CFAP54: variants seen among roughly 807,000 people sequenced by gnomAD.
The protein encoded by CFAP54 is cilia- and flagella-associated protein 54.
CFAP54 carries 290 observed loss-of-function variants against 370.4 expected under a neutral mutation model. The ratio of observed to expected loss-of-function variants is 0.78; its 90% CI spans 0.71 to 0.86. CFAP54 has a LOEUF of 0.86. Among genes scored for constraint, CFAP54 ranks in the 40% least tolerant of loss-of-function variants. The pLI is 0.00. For missense variants in CFAP54, 3,399 were observed against 3,528.7 expected, an observed-to-expected ratio of 0.96 and a Z score of 0.93; for synonymous variants, 1,206 against 1,236.5, an observed-to-expected ratio of 0.98 and a Z score of 0.52.
At chr12:96,526,030 G>A (rs901775709) in intron 8 of CFAP54, among the ~76,000 whole-genome samples, 2 of 152,188 alleles carry the variant, frequency 1.3e-5, no homozygotes, top group Non-Finnish European at 2.9e-5. Flanking sequence ...GATTGAAAAG[G>A]TACACAAGCT....
intron 9 of CFAP54, among the ~76,000 whole-genome samples, chr12:96,528,409 G>C (rs1955406122): frequency 6.6e-6 from 1 of 151,990 alleles, no homozygotes; most frequent in African/African-American, 2.4e-5. Flanking sequence ...TTTCTTTCTT[G>C]TAATGTTATT....
chr12:96,683,296 T>G (rs905860532), intron 40 of CFAP54, among the ~76,000 whole-genome samples: 6 of 152,204 alleles, frequency 3.9e-5, no homozygotes, highest in African/African-American at 1.4e-4. Flanking sequence ...ATGTGACAGT[T>G]ACACATGCAG....
At chr12:96,789,493 G>A (rs1321585995) in intron 62 of CFAP54, among the ~76,000 whole-genome samples, 2 of 152,208 alleles carry the variant, frequency 1.3e-5, no homozygotes, top group African/African-American at 4.8e-5. Context: ...GGGGGCAGAG[G>A]ACGGGAAGAC....
chr12:96,684,808 A>G, intron 41 of CFAP54, 73 bp downstream of exon 41: 1 of 1,294,974 alleles, frequency 7.7e-7, no homozygotes, highest in Middle Eastern at 1.9e-4. Context: ...TTTTAATGAA[A>G]AAACATTGTC....
intron 50 of CFAP54, among the ~76,000 whole-genome samples, chr12:96,735,081 G>A (rs1957963553): frequency 6.6e-6 from 1 of 152,058 alleles, no homozygotes; most frequent in Admixed American, 6.6e-5. Flanking sequence ...CAATGAATGA[G>A]GTCCAGATTT....
At chr12:96,573,499 G>A (rs553275069) in intron 19 of CFAP54, among the ~76,000 whole-genome samples, 27 of 152,248 alleles carry the variant, frequency 1.8e-4, no homozygotes, top group Non-Finnish European at 2.5e-4. Context: ...CTGCTCTGTT[G>A]TCTATGGAAG....
At chr12:96,767,907 C>T (rs924877119) in intron 60 of CFAP54, among the ~76,000 whole-genome samples, 8 of 152,124 alleles carry the variant, frequency 5.3e-5, no homozygotes, top group South Asian at 2.1e-4. Flanking sequence ...GAGTACTGTA[C>T]GAGATATTTA....
At chr12:96,848,044 C>A (rs1028055330) in intron 66 of CFAP54, among the ~76,000 whole-genome samples, 2 of 152,158 alleles carry the variant, frequency 1.3e-5, no homozygotes, top group South Asian at 2.1e-4. Context: ...TTATTCTCTG[C>A]AAAATGCCTT....
intron 39 of CFAP54, 146 bp downstream of exon 39, chr12:96,664,078 C>T (rs1445579891): frequency 3.5e-5 from 23 of 652,636 alleles, no homozygotes; most frequent in South Asian, 2.1e-4. Flanking sequence ...ATTTGATTTT[C>T]GCCATCTTAC....
intron 26 of CFAP54, among the ~76,000 whole-genome samples, chr12:96,612,479 A>G (rs1430187039): frequency 1.3e-5 from 2 of 152,232 alleles, no homozygotes; most frequent in Non-Finnish European, 2.9e-5. Flanking sequence ...AACTGCATCA[A>G]CTAATGAGCA....
At chr12:96,853,798 C>T (rs1002661718) in intron 66 of CFAP54, among the ~76,000 whole-genome samples, 2 of 152,070 alleles carry the variant, frequency 1.3e-5, no homozygotes, top group East Asian at 3.8e-4. Context: ...GTGACAACTG[C>T]TTTATTTTAT....
At chr12:96,594,206 A>C in intron 24 of CFAP54, 85 bp from the exon 25 acceptor site, 1 of 953,822 alleles carries the variant, frequency 1.0e-6, no homozygotes, top group Middle Eastern at 2.2e-4. Context: ...AGCCAGAAGG[A>C]TCACATTTTC....
intron 46 of CFAP54, among the ~76,000 whole-genome samples, chr12:96,700,908 C>A (rs1321970979): frequency 1.3e-5 from 2 of 151,962 alleles, no homozygotes; most frequent in Non-Finnish European, 2.9e-5. Flanking sequence ...ATTTGGAGGA[C>A]CTAAAGCAAC....
At chr12:96,737,680 G>T (rs574482313) in intron 50 of CFAP54, among the ~76,000 whole-genome samples, 1 of 151,924 alleles carries the variant, frequency 6.6e-6, no homozygotes, top group Admixed American at 6.6e-5. Context: ...AGTAGAGACG[G>T]GGTTTCACCG....
chr12:96,563,727 G>A (rs1415170038), intron 17 of CFAP54, among the ~76,000 whole-genome samples: 2 of 152,160 alleles, frequency 1.3e-5, no homozygotes, highest in African/African-American at 2.4e-5. Context: ...CTCAGTAAAA[G>A]GGGTTTATTG....
chr12:96,874,231 C>T (rs1365799610), intron 67 of CFAP54, among the ~76,000 whole-genome samples: 1 of 152,196 alleles, frequency 6.6e-6, no homozygotes, highest in Non-Finnish European at 1.5e-5. Context: ...GGCACATTGA[C>T]ACTCCCGTGG....
chr12:96,627,913 T>C (rs1956564459), intron 30 of CFAP54, among the ~76,000 whole-genome samples: 1 of 152,214 alleles, frequency 6.6e-6, no homozygotes, highest in African/African-American at 2.4e-5. Flanking sequence ...ATAAGAGATA[T>C]TCTGGAAGAG....
Position 96,688,974 on chromosome 12 carries a change from C to G in CFAP54, c.6073C>G (p.Leu2025Val), listed in dbSNP as rs1322993872. The G allele has an allele frequency of 1.3e-6, 2 of 1,575,958 alleles. No homozygotes were observed. Among genetic ancestry groups the G allele is most frequent in the African/African-American group, 2.7e-5 (2 of 73,114 alleles). ...TGACTGTTGCATTTTGTCTGCGTTA[C>G]TCTTTCAGGTAACACTCTATGTATG... ...KTDCCILSAL[L>V]FQGLLRTTLP... The change falls in exon 43 of 68, where the codon CTC becomes GTC. Residue 2025 changes from leucine to valine, a missense_variant. By Grantham distance (32) the Leu-to-Val change is conservative. Transcript: ENST00000524981.
chr12:96,749,118 C>T (rs989961281), intron 55 of CFAP54, among the ~76,000 whole-genome samples: 4 of 152,142 alleles, frequency 2.6e-5, no homozygotes, highest in Non-Finnish European at 5.9e-5. Context: ...TTATAAACAG[C>T]GGAAACCTAT....
Sources: allele counts gnomAD v4.1 joint callset (sites outside exome capture counted in the v4.1 genomes callset), GRCh38; gene constraint gnomAD v4.1.1; transcripts MANE v1.5; gene names NCBI Gene and HGNC (gene_info 2026-07-23, HGNC 2026-07-21).